PEMT: variants seen among roughly 807,000 people sequenced by gnomAD.
PEMT encodes phospholipid methyltransferase.
In PEMT, 23 loss-of-function variants were observed where a neutral mutation model predicts 27.4. The ratio of observed to expected loss-of-function variants is 0.84; its 90% CI spans 0.60 to 1.19. The LOEUF (loss-of-function observed/expected upper bound fraction) is 1.19. Among genes scored for constraint, PEMT ranks in the 50% most tolerant of loss-of-function variants. The pLI is 0.00. For synonymous variants in PEMT, 137 were observed against 139.1 expected, an observed-to-expected ratio of 0.98 and a Z score of 0.11; for missense variants, 307 against 310.1, an observed-to-expected ratio of 0.99 and a Z score of 0.07.
rs539995650 is a variant in PEMT at position 17,544,060 on chromosome 17, G to A, written c.205-21665C>T. ...AGGACTGGCAGCTTAGAGGGCAGAC[G>A]TGGTCGGTGAGGGGGGCACTGGACG... On this transcript the variant is annotated intron_variant, in intron 2 of 6. Coordinates refer to ENST00000255389, the MANE Select transcript of PEMT (RefSeq NM_148172.3). 2.6e-5 allele frequency among the ~76,000 whole-genome samples: 4 copies of A among 152,216 alleles called. No homozygotes were observed. In the East Asian group the frequency reaches 7.7e-4, roughly 29 times the overall value.
intron 2 of PEMT, among the ~76,000 whole-genome samples, chr17:17,526,416 C>T (rs560776341): frequency 1.7e-4 from 26 of 152,268 alleles, no homozygotes; most frequent in Admixed American, 3.3e-4. Context: ...CTGCAAAGTA[C>T]GAAAAACAGG....
At chr17:17,547,915 G>A (rs1185697211) in intron 2 of PEMT, among the ~76,000 whole-genome samples, 1 of 152,220 alleles carries the variant, frequency 6.6e-6, no homozygotes, top group East Asian at 1.9e-4. Context: ...TGTGAAGATG[G>A]AGAAGCCAGA....
At chr17:17,522,003 G>A (rs919268108) in intron 3 of PEMT, among the ~76,000 whole-genome samples, 4 of 152,228 alleles carry the variant, frequency 2.6e-5, no homozygotes, top group Admixed American at 6.5e-5. Context: ...CCTTGGCTAC[G>A]TGGCAGAGGC....
At position 17,556,087 on chromosome 17, in the gene PEMT, G is replaced by C. The variant is rs531249958; in HGVS notation, c.204+20833C>G. Among the ~76,000 whole-genome samples, 3 of 152,366 alleles carry C rather than the reference G, an allele frequency of 2.0e-5. No individual in the cohort carries two copies. The East Asian group carries it at 5.8e-4, about 29-fold the overall frequency. On this transcript the variant is annotated intron_variant, in intron 2 of 6. Coordinates refer to ENST00000255389, the MANE Select transcript of PEMT (RefSeq NM_148172.3). ...AGGGCACAAGCAGCAGTCACACGTC[G>C]CACTGAAGTGGCTGGATGGACGCCA...
chr17:17,555,747 G>A (rs1339372047), intron 2 of PEMT, among the ~76,000 whole-genome samples: 2 of 152,188 alleles, frequency 1.3e-5, no homozygotes, highest in East Asian at 3.8e-4. Flanking sequence ...CAGCCCCTGT[G>A]CTGCCCTCCG....
chr17:17,510,879 C>T (rs1441048193), intron 4 of PEMT, among the ~76,000 whole-genome samples: 3 of 152,186 alleles, frequency 2.0e-5, no homozygotes, highest in African/African-American at 7.2e-5. Flanking sequence ...GGAGGGCCCC[C>T]GCCGCTGGTC....
chr17:17,554,397 C>T (rs116068355), intron 2 of PEMT, among the ~76,000 whole-genome samples: 213 of 152,260 alleles, frequency 1.4e-3, no homozygotes, highest in African/African-American at 4.9e-3. Context: ...AAGGCATGAA[C>T]GTGGCCCTCC....
chr17:17,522,355 G>T lies in PEMT; in HGVS notation c.245C>A (p.Ala82Asp), dbSNP rs776110645. Reference protein sequence around the residue: ...WEHKTRKLSRAFGSPYLACYS... With the variant: ...WEHKTRKLSRDFGSPYLACYS... Reference sequence around the variant, plus strand: ...GCAGGCCAGGTAGGGGGATCCGAAGGCCCTGCTCAGCTTGCGGGTCTTGTG... The same window carrying T: ...GCAGGCCAGGTAGGGGGATCCGAAGTCCCTGCTCAGCTTGCGGGTCTTGTG... Residue 82 changes from alanine to aspartate, a missense_variant, in exon 3 of 7, where the codon GCC becomes GAC. By Grantham distance (126) the Ala-to-Asp change is moderately radical (BLOSUM62 -2). Coordinates refer to ENST00000255389, the MANE Select transcript of PEMT (RefSeq NM_148172.3). 3.7e-6 allele frequency: 6 copies of T among 1,613,634 alleles called. No homozygotes were observed. Among genetic ancestry groups the T allele is most frequent in the East Asian group, 2.2e-5 (1 of 44,832 alleles).
chr17:17,545,137 A>G (rs1043725798), intron 2 of PEMT, among the ~76,000 whole-genome samples: 5 of 152,206 alleles, frequency 3.3e-5, no homozygotes, highest in African/African-American at 9.6e-5. Context: ...CTGACCTCTC[A>G]GGGCAGTCTA....
At chr17:17,585,420 C>A (rs925477424) in intron 1 of PEMT, among the ~76,000 whole-genome samples, 1 of 152,178 alleles carries the variant, frequency 6.6e-6, no homozygotes, top group Admixed American at 6.5e-5. Context: ...AAAGACAAAT[C>A]CACAGTTCTT....
chr17:17,586,276 GAAAGAA>G (rs1912294256), intron 1 of PEMT, among the ~76,000 whole-genome samples: 1 of 104,242 alleles, frequency 9.6e-6, no homozygotes, highest in Non-Finnish European at 1.9e-5. Context: ...AAGAAAGAAA[GAAAGAA>G]AGAAAGAAAA....
At position 17,582,246 on chromosome 17, in the gene PEMT, T is replaced by G; in HGVS notation, c.97-5219A>C. 1 of 985,268 alleles carries G rather than the reference T, an allele frequency of 1.0e-6. No individual in the cohort carries two copies. Among genetic ancestry groups the G allele is most frequent in the Non-Finnish European group, 1.2e-6 (1 of 829,818 alleles). 61.0% of individuals were successfully genotyped at this position (985,268 alleles called of 1,614,324 possible). A position where few individuals can be genotyped will look rare whatever the true frequency, so the allele number is the denominator to read the frequency against. ...GGTTGCAGAGGCCTCGGAATCTGACTAAAGGAAAGGAGCTACCCACCACGG... is the reference window on the plus strand; with the variant it reads ...GGTTGCAGAGGCCTCGGAATCTGACGAAAGGAAAGGAGCTACCCACCACGG... On this transcript the variant is annotated intron_variant, in intron 1 of 6. Transcript: ENST00000255389. This position sits in a 1 kb window ranked among gnomAD's most constrained non-coding sequence, Gnocchi z 4.9.
At position 17,506,250 on chromosome 17, in the gene PEMT, G is replaced by A. The variant is rs1157801889; in HGVS notation, c.630C>T (p.Tyr210=). 1.9e-6 allele frequency: 3 copies of A among 1,582,666 alleles called. No individual in the cohort carries two copies. The highest frequency in any genetic ancestry group is 3.6e-5 in the Admixed American group (2 of 56,098). Residue 210 remains tyrosine, a synonymous_variant, in exon 6 of 7, where the codon TAC becomes TAT. Coordinates refer to ENST00000255389, the MANE Select transcript of PEMT (RefSeq NM_148172.3). The part of the protein sequence containing the change: ...LLLTVLVALT[Y]IVALLYEEPF... Reference sequence around the variant, plus strand: ...ACTCTTCGTATAGGAGAGCCACTATGTAGGTGAGGGCCACCAGCACCGTCA... The same window carrying A: ...ACTCTTCGTATAGGAGAGCCACTATATAGGTGAGGGCCACCAGCACCGTCA...
intron 2 of PEMT, among the ~76,000 whole-genome samples, chr17:17,534,661 AC>A (rs1364486817): frequency 6.6e-6 from 1 of 151,962 alleles, no homozygotes. Flanking sequence ...AGATGGTGAG[AC>A]CCCCATCTCT....
At chr17:17,539,275 C>A (rs1349716152) in intron 2 of PEMT, among the ~76,000 whole-genome samples, 2 of 152,142 alleles carry the variant, frequency 1.3e-5, no homozygotes, top group Non-Finnish European at 2.9e-5. Context: ...GCCACTGTGC[C>A]CCAACCAGGT....
chr17:17,539,746 G>GC (rs1253812882), intron 2 of PEMT, among the ~76,000 whole-genome samples: 2 of 152,218 alleles, frequency 1.3e-5, no homozygotes, highest in African/African-American at 4.8e-5. Flanking sequence ...GGGGCACAGA[G>GC]CCCCGGGCAC....
chr17:17,539,927 G>A (rs1376660323), intron 2 of PEMT, among the ~76,000 whole-genome samples: 2 of 152,236 alleles, frequency 1.3e-5, no homozygotes, highest in Non-Finnish European at 1.5e-5. Context: ...GACTGACCAC[G>A]CAGGTGGCAG....
chr17:17,575,791 T>C lies in PEMT; in HGVS notation c.204+1129A>G, dbSNP rs965190633. ...GCCGCCAGAGCATCCATCCTCGGAG[T>C]GTGTCCAGCATGTTCAGGACAGCAG... is the stretch of plus-strand genomic sequence containing the variant. On this transcript the variant is annotated intron_variant, in intron 2 of 6. Coordinates refer to ENST00000255389, the MANE Select transcript of PEMT (RefSeq NM_148172.3). Among the ~76,000 whole-genome samples, 6 of 152,122 alleles carry C rather than the reference T, an allele frequency of 3.9e-5. 1 individual carries two copies. The highest frequency in any genetic ancestry group is 3.9e-4 in the Admixed American group (6 of 15,280).
At chr17:17,551,846 C>A (rs529538570) in intron 2 of PEMT, among the ~76,000 whole-genome samples, 1 of 152,178 alleles carries the variant, frequency 6.6e-6, no homozygotes, top group Non-Finnish European at 1.5e-5. Flanking sequence ...GGGAACCTAC[C>A]TGAGACTGAG....
Sources: allele counts gnomAD v4.1 joint callset (sites outside exome capture counted in the v4.1 genomes callset), GRCh38; gene constraint gnomAD v4.1.1; non-coding constraint Gnocchi (gnomAD v3.1); transcripts MANE v1.5; gene names NCBI Gene and HGNC (gene_info 2026-07-23, HGNC 2026-07-21).